HSPBAP1: variants seen among roughly 807,000 people sequenced by gnomAD.
The protein encoded by HSPBAP1 is HSPB1-associated protein 1.
Under a neutral mutation model 45.2 loss-of-function variants are expected in HSPBAP1, and 27 were observed. That is an observed-to-expected ratio of 0.60 (90% CI 0.44 to 0.82). The LOEUF (loss-of-function observed/expected upper bound fraction) is 0.82. Among genes scored for constraint, HSPBAP1 ranks in the 40% least tolerant of loss-of-function variants. HSPBAP1 has a pLI of 0.00. For missense variants in HSPBAP1, 510 were observed against 590.9 expected, an observed-to-expected ratio of 0.86 and a Z score of 1.42; for synonymous variants, 204 against 202.7, an observed-to-expected ratio of 1.01 and a Z score of -0.06.
At chr3:122,780,140 AC>A (rs767971425) in intron 1 of HSPBAP1, among the ~76,000 whole-genome samples, 14,610 of 92,278 alleles carry the variant, frequency 0.16, 1,636 homozygotes, top group East Asian at 0.54. Flanking sequence ...CGGGGAGCTG[AC>A]CCCCCCACCT....
chr3:122,781,432 G>A (rs1935467871), intron 1 of HSPBAP1, among the ~76,000 whole-genome samples: 1 of 151,430 alleles, frequency 6.6e-6, no homozygotes, highest in East Asian at 1.9e-4. Context: ...GCGCGTGCCT[G>A]CAATCGCAGG....
At chr3:122,787,564 C>CA (rs1214513952) in intron 1 of HSPBAP1, among the ~76,000 whole-genome samples, 1 of 152,090 alleles carries the variant, frequency 6.6e-6, no homozygotes, top group Non-Finnish European at 1.5e-5. Flanking sequence ...AAGAGTAAGT[C>CA]ACACATTACA....
chr3:122,761,285 G>GA (rs984613334), intron 3 of HSPBAP1, among the ~76,000 whole-genome samples: 9 of 152,062 alleles, frequency 5.9e-5, no homozygotes, highest in African/African-American at 2.2e-4. Context: ...CTTCTCCTCA[G>GA]AAAAAAGCAC....
chr3:122,740,229 T>A lies in HSPBAP1; in HGVS notation c.*116A>T, dbSNP rs145541080. 1 of 623,150 alleles carries A rather than the reference T, an allele frequency of 1.6e-6. No individual in the cohort carries two copies. Among genetic ancestry groups the A allele is most frequent in the African/African-American group, 1.9e-5 (1 of 53,348 alleles). The allele number at this position is 623,150 out of a possible 1,614,324, so 38.6% of individuals were successfully genotyped here. On this transcript the variant is annotated 3_prime_UTR_variant, in exon 8 of 8. Coordinates refer to ENST00000306103, the MANE Select transcript of HSPBAP1 (RefSeq NM_024610.6). Reference sequence around the variant, plus strand: ...AGACTGACATGTAATTCGGTAAGGATAAATACATTTACAAATGTGCAAACT... The same window carrying A: ...AGACTGACATGTAATTCGGTAAGGAAAAATACATTTACAAATGTGCAAACT...
chr3:122,782,016 A>G (rs1182856557), intron 1 of HSPBAP1, among the ~76,000 whole-genome samples: 3 of 152,212 alleles, frequency 2.0e-5, no homozygotes, highest in African/African-American at 4.8e-5. Context: ...GATATTTACA[A>G]TATACAATGT....
At position 122,774,709 on chromosome 3, in the gene HSPBAP1, G is replaced by A. The variant is rs79942552; in HGVS notation, c.250+3012C>T. Among the ~76,000 whole-genome samples, 85 of 152,320 alleles carry A rather than the reference G, an allele frequency of 5.6e-4. No homozygotes were observed. In the East Asian group the frequency reaches 0.013, roughly 24 times the overall value. ...CGCAACTATGGAGGTGAGAGACAGCGAGCAGGGTAACGCCCACTAGAGGAT... is the reference window on the plus strand; with the variant it reads ...CGCAACTATGGAGGTGAGAGACAGCAAGCAGGGTAACGCCCACTAGAGGAT... On this transcript the variant is annotated intron_variant, in intron 2 of 7. Coordinates refer to ENST00000306103, the MANE Select transcript of HSPBAP1 (RefSeq NM_024610.6).
intron 3 of HSPBAP1, among the ~76,000 whole-genome samples, chr3:122,763,139 T>TAA (rs1934658101): frequency 6.6e-6 from 1 of 152,242 alleles, no homozygotes; most frequent in African/African-American, 2.4e-5. Context: ...GTTCTGATGT[T>TAA]AACTATGTCT....
intron 2 of HSPBAP1, among the ~76,000 whole-genome samples, chr3:122,775,196 A>T (rs1439448598): frequency 6.6e-6 from 1 of 152,140 alleles, no homozygotes; most frequent in East Asian, 1.9e-4. Flanking sequence ...GCATACCTCA[A>T]AATATAACTA....
chr3:122,752,703 C>T, intron 5 of HSPBAP1, 29 bp from the exon 6 acceptor site: 1 of 1,554,274 alleles, frequency 6.4e-7, no homozygotes, highest in Non-Finnish European at 8.8e-7. Flanking sequence ...ATGGTTAGCA[C>T]AAGAACAGGA....
chr3:122,757,471 T>C (rs1934396214), intron 4 of HSPBAP1, among the ~76,000 whole-genome samples: 1 of 152,180 alleles, frequency 6.6e-6, no homozygotes, highest in Non-Finnish European at 1.5e-5. Context: ...CCCTGATCTT[T>C]ACAACAGGAA....
intron 1 of HSPBAP1, among the ~76,000 whole-genome samples, chr3:122,779,195 CCTCGCCAG>C (rs1372058187): frequency 1.3e-5 from 2 of 151,956 alleles, no homozygotes; most frequent in Non-Finnish European, 2.9e-5. Context: ...GCACCCGCCA[CCTCGCCAG>C]GTTAATTTTT....
At chr3:122,771,470 T>C (rs1343495492) in intron 2 of HSPBAP1, among the ~76,000 whole-genome samples, 1 of 152,232 alleles carries the variant, frequency 6.6e-6, no homozygotes, top group Admixed American at 6.5e-5. Context: ...CAAGCTGAGC[T>C]TGCTTTTAAT....
chr3:122,793,783 G>C lies in HSPBAP1; in HGVS notation c.-103C>G, dbSNP rs1417167905. On this transcript the variant is annotated 5_prime_UTR_variant, in exon 1 of 8. Coordinates refer to ENST00000306103, the MANE Select transcript of HSPBAP1 (RefSeq NM_024610.6). Reference sequence around the variant, plus strand: ...GAGACCCGAAGCTGCACCACAGGAAGGAGCCCCGGCGACTCCCGCCCGGCT... The same window carrying C: ...GAGACCCGAAGCTGCACCACAGGAACGAGCCCCGGCGACTCCCGCCCGGCT... The C allele has an allele frequency of 4.6e-6, 5 of 1,097,688 alleles. No homozygotes were observed. The highest frequency in any genetic ancestry group is 5.4e-6 in the Non-Finnish European group (4 of 747,354). 68.0% of individuals were successfully genotyped at this position (1,097,688 alleles called of 1,614,324 possible). A position where few individuals can be genotyped will look rare whatever the true frequency, so the allele number is the denominator to read the frequency against.
chr3:122,740,308 T>TA lies in HSPBAP1; in HGVS notation c.*36dup, dbSNP rs759117058. 3.0e-6 allele frequency: 4 copies of TA among 1,325,092 alleles called. No individual in the cohort carries two copies. The highest frequency in any genetic ancestry group is 4.0e-6 in the Non-Finnish European group (4 of 990,932). 82.1% of individuals were successfully genotyped at this position (1,325,092 alleles called of 1,614,324 possible). A position where few individuals can be genotyped will look rare whatever the true frequency, so the allele number is the denominator to read the frequency against. On this transcript the variant is annotated 3_prime_UTR_variant, in exon 8 of 8. Coordinates refer to ENST00000306103, the MANE Select transcript of HSPBAP1 (RefSeq NM_024610.6). Reference sequence around the variant, plus strand: ...GTCATACTACTTAAAAATATATATTTAAAAAATATTATTTTAAAAGTCATC... The same window carrying TA: ...GTCATACTACTTAAAAATATATATTTAAAAAAATATTATTTTAAAAGTCATC...
At chr3:122,753,802 AGTG>A (rs1934245274) in intron 5 of HSPBAP1, 1 of 985,158 alleles carries the variant, frequency 1.0e-6, no homozygotes, top group Non-Finnish European at 1.2e-6. Flanking sequence ...GTTTCAGTAA[AGTG>A]GTGACAGAAA....
chr3:122,762,555 T>C (rs908885132), intron 3 of HSPBAP1, among the ~76,000 whole-genome samples: 2 of 152,202 alleles, frequency 1.3e-5, no homozygotes, highest in African/African-American at 4.8e-5. Context: ...GCTTAGCATA[T>C]CTCTTCAGCC....
At chr3:122,745,051 AAC>A (rs1307509356) in intron 6 of HSPBAP1, among the ~76,000 whole-genome samples, 1 of 152,200 alleles carries the variant, frequency 6.6e-6, no homozygotes, top group Non-Finnish European at 1.5e-5. Flanking sequence ...AATATGATAA[AAC>A]ACATACAACT....
chr3:122,764,980 G>A (rs1934723872), intron 3 of HSPBAP1, among the ~76,000 whole-genome samples: 1 of 152,198 alleles, frequency 6.6e-6, no homozygotes, highest in Non-Finnish European at 1.5e-5. Context: ...AAGATTAGTT[G>A]TAACATGTCT....
At chr3:122,782,543 T>C (rs1355517853) in intron 1 of HSPBAP1, among the ~76,000 whole-genome samples, 1 of 152,058 alleles carries the variant, frequency 6.6e-6, no homozygotes, top group Non-Finnish European at 1.5e-5. Context: ...CCCAATAAAA[T>C]GTTCCTATAT....
Sources: gnomAD v4.1 joint callset for allele counts (sites outside exome capture counted in the v4.1 genomes callset) on GRCh38, gnomAD v4.1.1 for gene constraint, MANE v1.5 for transcripts, NCBI Gene and HGNC (gene_info 2026-07-23, HGNC 2026-07-21) for gene names.